The following LCTL variants were observed in gnomAD, a reference collection of about 807,000 sequenced individuals.
LCTL encodes the protein lactase-like protein.
In LCTL, 76 loss-of-function variants were observed where a neutral mutation model predicts 75.8. That is an observed-to-expected ratio of 1.00 (90% CI 0.83 to 1.21). LCTL has a LOEUF of 1.21. Ranked by LOEUF, LCTL falls within the 50% of genes most tolerant of loss-of-function variation. LCTL has a pLI of 0.00. For synonymous variants in LCTL, 271 were observed against 268.8 expected, an observed-to-expected ratio of 1.01 and a Z score of -0.08; for missense variants, 670 against 712.4, an observed-to-expected ratio of 0.94 and a Z score of 0.68.
chr15:66,555,526 G>A (rs770287204), intron 8 of LCTL, among the ~76,000 whole-genome samples: 7 of 152,080 alleles, frequency 4.6e-5, no homozygotes, highest in Non-Finnish European at 1.0e-4. Context: ...GGGCAACAGA[G>A]CGAGACTCTG....
chr15:66,553,152 A>AG lies in LCTL; in HGVS notation c.1028_1029insC (p.Thr345TyrfsTer23). On this transcript the variant is annotated frameshift_variant, in exon 9 of 13. Transcript: ENST00000341509. LOFTEE classifies it high-confidence loss of function. The stretch of plus-strand genomic sequence containing the variant: ...TTTCCGTGATGTACCGAGTAGTAAA[A>AG]TGACCTAATCCCAAGAAATCGGATG... The AG allele has an allele frequency of 6.2e-7, 1 of 1,611,924 alleles. No homozygotes were observed. The highest frequency in any genetic ancestry group is 8.5e-7 in the Non-Finnish European group (1 of 1,179,148).
At chr15:66,561,139 A>T in intron 5 of LCTL, 38 bp from the exon 7 acceptor site, 1 of 1,614,170 alleles carries the variant, frequency 6.2e-7, no homozygotes. Context: ...GATCCATAAG[A>T]AGTGGCAGGG....
intron 4 of LCTL, among the ~76,000 whole-genome samples, chr15:66,563,296 T>A (rs781106633): frequency 2.0e-5 from 3 of 152,238 alleles, no homozygotes; most frequent in Non-Finnish European, 4.4e-5. Context: ...TACATTCCCG[T>A]TCTTTACAAG....
chr15:66,561,098 T>C (rs1462619121), exon 6 of LCTL: 1 of 1,614,038 alleles, frequency 6.2e-7, no homozygotes, highest in Non-Finnish European at 8.5e-7. Flanking sequence ...TTTTCTGCCA[T>C]TGCCTATAGG....
intron 9 of LCTL, 80 bp downstream of exon 10, chr15:66,552,904 A>T: frequency 3.2e-6 from 4 of 1,257,130 alleles, no homozygotes; most frequent in Middle Eastern, 2.5e-4. Context: ...TTAACTTTCT[A>T]ATGTAGGCAC....
At chr15:66,560,107 G>C (rs1895850563) in intron 6 of LCTL, among the ~76,000 whole-genome samples, 1 of 152,090 alleles carries the variant, frequency 6.6e-6, no homozygotes, top group Admixed American at 6.6e-5. Context: ...AATCTTGAGA[G>C]CTCTGCCCTT....
At chr15:66,561,036 G>C in exon 6 of LCTL, 1 of 1,614,116 alleles carries the variant, frequency 6.2e-7, no homozygotes, top group Non-Finnish European at 8.5e-7. Context: ...CCTTGTACAG[G>C]CCGGTGCCGC....
In LCTL at chr15:66,548,545, AGG is replaced by A. The variant is rs1441884277; in HGVS notation, c.1647_1648del (p.Val552ProfsTer71). On this transcript the variant is annotated frameshift_variant, in exon 13 of 13. Transcript: ENST00000341509. LOFTEE classifies it low-confidence loss of function (END_TRUNC). ...TAGAACAGCAGTGATGAGGACACAG[AGG>A]GAGCAGACAGTGGGTACCACGATCT... The A allele has an allele frequency of 1.2e-6, 2 of 1,613,634 alleles. No individual in the cohort carries two copies. The highest frequency in any genetic ancestry group is 3.3e-5 in the Admixed American group (2 of 60,002).
intron 11 of LCTL, among the ~76,000 whole-genome samples, 172 bp downstream of exon 12, chr15:66,551,490 C>T (rs775669201): frequency 9.9e-5 from 15 of 151,870 alleles, no homozygotes; most frequent in Non-Finnish European, 1.5e-4. Flanking sequence ...AAGTTTACAT[C>T]ATGCTTGCTC....
At chr15:66,563,714 CT>C in intron 3 of LCTL, 89 bp from the exon 5 acceptor site, 1 of 1,042,880 alleles carries the variant, frequency 9.6e-7, no homozygotes, top group Non-Finnish European at 1.4e-6. Flanking sequence ...GGCCCTGTTG[CT>C]TTTTGAAGGC....
At position 66,563,507 on chromosome 15, in the gene LCTL, G is replaced by T; in HGVS notation, c.480+9C>A. ...CCCTTTGGGCCTGTGAGCCTGCTCA[G>T]GTCCTCACCTGTGGCAGATCCCAGT... On this transcript the variant is annotated intron_variant, in intron 4 of 12. Coordinates refer to ENST00000341509, the Ensembl canonical transcript of LCTL. 1 of 1,602,596 alleles carries T rather than the reference G, an allele frequency of 6.2e-7. No individual in the cohort carries two copies.
chr15:66,559,041 T>G (rs1051438634), intron 6 of LCTL, among the ~76,000 whole-genome samples: 1 of 152,000 alleles, frequency 6.6e-6, no homozygotes, highest in African/African-American at 2.4e-5. Flanking sequence ...TTTGTTTTTT[T>G]TTTCTTGAGA....
At chr15:66,558,154 T>G in intron 6 of LCTL, 118 bp from the exon 8 acceptor site, 1 of 776,718 alleles carries the variant, frequency 1.3e-6, no homozygotes, top group African/African-American at 1.8e-5. Flanking sequence ...CAATCCAGCC[T>G]TGTTTATCCC....
Position 66,563,904 on chromosome 15 carries a change from A to G in LCTL, c.370+7T>C, listed in dbSNP as rs1489917419. The G allele has an allele frequency of 6.2e-7, 1 of 1,612,476 alleles. No homozygotes were observed. On this transcript the variant is annotated splice_region_variant and intron_variant, in intron 3 of 12. Coordinates refer to ENST00000341509, the Ensembl canonical transcript of LCTL. ...ACTTGGGTTCAAGAGGGGCTTCCCT[A>G]GCTCACCTCGGATGCCTGTGGGCAG...
intron 11 of LCTL, among the ~76,000 whole-genome samples, chr15:66,550,775 G>A (rs1046453091): frequency 6.6e-6 from 1 of 152,074 alleles, no homozygotes; most frequent in African/African-American, 2.4e-5. Flanking sequence ...CACCGTACCT[G>A]GCCAAGACAC....
chr15:66,563,930 G>C, exon 3 of LCTL: 1 of 1,614,166 alleles, frequency 6.2e-7, no homozygotes, highest in East Asian at 2.2e-5. Flanking sequence ...CTGTGGGCAG[G>C]AGCCGGGGCC....
chr15:66,558,074 C>T, intron 6 of LCTL, 38 bp from the exon 8 acceptor site: 1 of 1,544,098 alleles, frequency 6.5e-7, no homozygotes, highest in Non-Finnish European at 8.8e-7. Context: ...GGTACCTGGC[C>T]CATCCATTTC....
At chr15:66,552,618 C>G (rs957496878) in intron 9 of LCTL, among the ~76,000 whole-genome samples, 2 of 143,662 alleles carry the variant, frequency 1.4e-5, no homozygotes, top group African/African-American at 5.4e-5. Flanking sequence ...GGCAGTGAGC[C>G]GAGATCATGC....
At chr15:66,565,212 A>C in intron 1 of LCTL, 36 bp downstream of exon 2, 1 of 1,407,144 alleles carries the variant, frequency 7.1e-7, no homozygotes. Flanking sequence ...GGTGGACGAC[A>C]GACAGGCAGA....
Sources: gnomAD v4.1 joint callset for allele counts (sites outside exome capture counted in the v4.1 genomes callset) on GRCh38, gnomAD v4.1.1 for gene constraint, MANE v1.5 for transcripts, NCBI Gene and HGNC (gene_info 2026-07-23, HGNC 2026-07-21) for gene names.